Variants in ZNF584 observed in about 807,000 individuals in gnomAD.
ZNF584 encodes zinc finger protein 584.
ZNF584 carries 12 observed loss-of-function variants against 14.7 expected under a neutral mutation model. The ratio of observed to expected loss-of-function variants is 0.82; its 90% CI spans 0.52 to 1.32. The LOEUF (loss-of-function observed/expected upper bound fraction) is 1.32. Ranked by LOEUF, ZNF584 falls within the 40% of genes most tolerant of loss-of-function variation. The pLI is 0.00. For missense variants in ZNF584, 478 were observed against 518.8 expected, an observed-to-expected ratio of 0.92 and a Z score of 0.76; for synonymous variants, 204 against 190.9, an observed-to-expected ratio of 1.07 and a Z score of -0.57.
Position 58,417,256 on chromosome 19 carries a change from CTG to C in ZNF584, c.741_742del (p.Cys247TrpfsTer2), listed in dbSNP as rs1423817765. ...TGIKPFKCSDCGKTFNRKDAL... is the reference protein window; with the variant it reads ...TGIKPFKCSDXGKTFNRKDAL... ...GCATAAAACCTTTTAAGTGTAGTGA[CTG>C]TGGTAAAACCTTCAACCGCAAAGAC... On this transcript the variant is annotated frameshift_variant, in exon 4 of 4. Coordinates refer to ENST00000306910, the MANE Select transcript of ZNF584 (RefSeq NM_173548.3). LOFTEE classifies it low-confidence loss of function (END_TRUNC). 4 of 1,614,166 alleles carry C rather than the reference CTG, an allele frequency of 2.5e-6. No homozygotes were observed. Among genetic ancestry groups the C allele is most frequent in the African/African-American group, 1.3e-5 (1 of 75,036 alleles).
At chr19:58,414,262 G>T (rs966825680) in intron 2 of ZNF584, among the ~76,000 whole-genome samples, 8 of 152,076 alleles carry the variant, frequency 5.3e-5, no homozygotes, top group African/African-American at 1.7e-4. Context: ...GTTGATTTCT[G>T]TTTTAATTCA....
chr19:58,416,177 T>C, intron 3 of ZNF584: 1 of 456,908 alleles, frequency 2.2e-6, no homozygotes, highest in Non-Finnish European at 3.9e-6. Context: ...TGTAGTCTGG[T>C]GGAGCCATAT....
At position 58,410,559 on chromosome 19, in the gene ZNF584, G is replaced by GTATATATATA. The variant is rs1568584453; in HGVS notation, c.169+469_169+470insATATATATAT. 4.7e-4 allele frequency among the ~76,000 whole-genome samples: 9 copies of GTATATATATA among 18,986 alleles called. 1 individual carries two copies. Among genetic ancestry groups the GTATATATATA allele is most frequent in the African/African-American group, 4.1e-3 (9 of 2,206 alleles). The allele number at this position is 18,986 out of a possible 152,430, so 12.5% of individuals were successfully genotyped here. A position where few individuals can be genotyped will look rare whatever the true frequency, so the allele number is the denominator to read the frequency against. ...TATATATATATATATATATATATATGTGTATATATATATGTATATATATGT... is the reference window on the plus strand; with the variant it reads ...TATATATATATATATATATATATATGTATATATATATGTATATATATATGTATATATATGT... On this transcript the variant is annotated intron_variant, in intron 2 of 3. Transcript: ENST00000306910.
In ZNF584 at chr19:58,418,000, C is replaced by G. The variant is rs1005634862; in HGVS notation, c.*216C>G. ...GTGTCACATCACTGAGTTTATCCACCGCCATCCACCTCTATCCACCCCATA... is the reference window on the plus strand; with the variant it reads ...GTGTCACATCACTGAGTTTATCCACGGCCATCCACCTCTATCCACCCCATA... On this transcript the variant is annotated 3_prime_UTR_variant, in exon 4 of 4. Transcript: ENST00000306910. 1.1e-4 allele frequency: 65 copies of G among 587,780 alleles called. No individual in the cohort carries two copies. In the African/African-American group the frequency reaches 1.2e-3, roughly 10 times the overall value. The allele number at this position is 587,780 out of a possible 1,614,324, so 36.4% of individuals were successfully genotyped here. A position where few individuals can be genotyped will look rare whatever the true frequency, so the allele number is the denominator to read the frequency against.
chr19:58,408,779 T>C lies in ZNF584; in HGVS notation c.-369T>C. On this transcript the variant is annotated 5_prime_UTR_variant, in exon 1 of 4. Coordinates refer to ENST00000306910, the MANE Select transcript of ZNF584 (RefSeq NM_173548.3). The stretch of plus-strand genomic sequence containing the variant: ...TCCGGCGTTGCCCGGCAGTCCGCAG[T>C]CCTCGGCGGGAAGGCTGTCCCGGCG... The C allele has an allele frequency of 4.6e-6, 1 of 215,604 alleles. No individual in the cohort carries two copies. The allele number at this position is 215,604 out of a possible 1,614,324, so 13.4% of individuals were successfully genotyped here.
chr19:58,410,641 AT>A (rs1385311359), intron 2 of ZNF584, among the ~76,000 whole-genome samples: 2 of 30,848 alleles, frequency 6.5e-5, no homozygotes, highest in East Asian at 5.3e-4. Flanking sequence ...ATGTGTATAT[AT>A]ATGTGTATAT....
At position 58,415,819 on chromosome 19, in the gene ZNF584, G is replaced by T. The variant is rs368222432; in HGVS notation, c.292+173G>T. The stretch of plus-strand genomic sequence containing the variant: ...CTGCCATCTCTACCATGATTTTCAG[G>T]CCCCGCATGTTCCTGCCTCTCTGGC... On this transcript the variant is annotated intron_variant, in intron 3 of 3. Coordinates refer to ENST00000306910, the MANE Select transcript of ZNF584 (RefSeq NM_173548.3). The T allele has an allele frequency of 1.3e-3, 2,015 of 1,603,690 alleles. 6 individuals carry two copies. Among genetic ancestry groups the T allele is most frequent in the Admixed American group, 1.9e-3 (114 of 60,002 alleles).
intron 2 of ZNF584, among the ~76,000 whole-genome samples, chr19:58,413,200 C>A (rs1266253337): frequency 6.6e-6 from 1 of 151,562 alleles, no homozygotes; most frequent in Non-Finnish European, 1.5e-5. Context: ...TTTTCTTTTT[C>A]TTGTTCCTTG....
upstream of ZNF584, chr19:58,405,447 A>AC (rs1224161995): frequency 8.0e-5 from 11 of 137,194 alleles, no homozygotes; most frequent in Admixed American, 2.9e-4. Flanking sequence ...CGGGGGGCTG[A>AC]CCCCCCCACC....
upstream of ZNF584, chr19:58,405,212 C>T (rs185161330): frequency 0.15 from 19,487 of 134,148 alleles, 1,781 homozygotes; most frequent in Non-Finnish European, 0.18. Context: ...GCTGGCCGCG[C>T]GGGGGGCTGA....
chr19:58,401,958 A>C (rs1489169197), intron 1 of ZNF584, among the ~76,000 whole-genome samples: 1 of 134,958 alleles, frequency 7.4e-6, no homozygotes, highest in African/African-American at 2.9e-5. Context: ...AGTCCCAACC[A>C]CTCGGGAGGC....
chr19:58,410,241 G>C, intron 2 of ZNF584, 150 bp downstream of exon 2: 8 of 1,045,972 alleles, frequency 7.6e-6, no homozygotes, highest in Non-Finnish European at 1.1e-5. Flanking sequence ...TCGGTGGTGG[G>C]ACTCGGCGGT....
intron 2 of ZNF584, among the ~76,000 whole-genome samples, chr19:58,410,895 G>A (rs2052562374): frequency 7.2e-6 from 1 of 138,624 alleles, no homozygotes; most frequent in African/African-American, 2.7e-5. Flanking sequence ...GGGTTCAAGC[G>A]ATTCTCCTGC....
At position 58,417,832 on chromosome 19, in the gene ZNF584, G is replaced by A. The variant is rs1316055371; in HGVS notation, c.*48G>A. 1 of 1,540,320 alleles carries A rather than the reference G, an allele frequency of 6.5e-7. No individual in the cohort carries two copies. Among genetic ancestry groups the A allele is most frequent in the Non-Finnish European group, 8.7e-7 (1 of 1,146,154 alleles). On this transcript the variant is annotated 3_prime_UTR_variant, in exon 4 of 4. Coordinates refer to ENST00000306910, the MANE Select transcript of ZNF584 (RefSeq NM_173548.3). ...CTTATTCCAGAAAGGAGGTTAAGGA[G>A]AGTGGCCGTGAGAGTGCCATCCGAA...
Position 58,410,079 on chromosome 19 carries a change from G to C in ZNF584, c.157G>C (p.Val53Leu), listed in dbSNP as rs151245035. The C allele has an allele frequency of 1.2e-6, 2 of 1,610,716 alleles. No homozygotes were observed. Among genetic ancestry groups the C allele is most frequent in the African/African-American group, 1.3e-5 (1 of 74,752 alleles). ...TGTGATGCTGGAGAACTTTGCACTC[G>C]TTAGCTCACTGGGTAAGTCTCTTAC... ...RDVMLENFAL[V>L]SSLGLAPSRS... is the part of the protein sequence containing the mutation. Residue 53 changes from valine (V) to leucine (L), a missense_variant, in exon 2 of 4, where the codon GTT becomes CTT. Transcript: ENST00000306910.
intron 2 of ZNF584, among the ~76,000 whole-genome samples, chr19:58,413,980 G>A (rs2052608776): frequency 7.3e-6 from 1 of 136,434 alleles, no homozygotes; most frequent in Non-Finnish European, 1.7e-5. Context: ...CACCACGCCT[G>A]GCTAATTTTT....
At chr19:58,407,699 A>T (rs56292587), upstream of ZNF584, among the ~76,000 whole-genome samples, 27,218 of 152,186 alleles carry the variant, frequency 0.18, 2,661 homozygotes, top group Non-Finnish European at 0.22. Flanking sequence ...TTCAGGTAGA[A>T]GCTCCTCTGG....
intron 2 of ZNF584, among the ~76,000 whole-genome samples, chr19:58,410,541 A>AATTTTTTTTTTTTT (rs1555785528): frequency 2.3e-5 from 1 of 43,774 alleles, no homozygotes; most frequent in African/African-American, 1.9e-4. Flanking sequence ...ATATATATAT[A>AATTTTTTTTTTTTT]TATATATATA....
intron 2 of ZNF584, among the ~76,000 whole-genome samples, chr19:58,414,172 T>A (rs1342771956): frequency 3.9e-5 from 6 of 152,140 alleles, no homozygotes; most frequent in Non-Finnish European, 8.8e-5. Flanking sequence ...ATGTGATTTA[T>A]TTTTTCTTTG....
Sources: gnomAD v4.1 joint callset for allele counts (sites outside exome capture counted in the v4.1 genomes callset) on GRCh38, gnomAD v4.1.1 for gene constraint, MANE v1.5 for transcripts, NCBI Gene and HGNC (gene_info 2026-07-23, HGNC 2026-07-21) for gene names.